The following IARS1 variants were observed in gnomAD, a reference collection of about 807,000 sequenced individuals.
The protein encoded by IARS1 is isoleucyl-tRNA synthetase 1, also known as isoleucine--tRNA ligase, cytoplasmic.
IARS1 carries 124 observed loss-of-function variants against 168.2 expected under a neutral mutation model. The ratio of observed to expected loss-of-function variants is 0.74; its 90% CI spans 0.64 to 0.86. The LOEUF is 0.86. Among genes scored for constraint, IARS1 ranks in the 40% least tolerant of loss-of-function variants. IARS1 has a pLI of 0.00. For missense variants in IARS1, 1,452 were observed against 1,515.8 expected (o/e 0.96, Z 0.70); for synonymous variants, 532 against 529.4 (o/e 1.00, Z -0.07).
rs1564186676 is a variant in IARS1 at position 92,280,807 on chromosome 9, C to T, written c.684G>A (p.Trp228Ter). ...VSLVAWTTTPWTLPSNLAVCV... is the reference protein window; with the variant it reads ...VSLVAWTTTP ...ACACAGCAAGGTTACTAGGTAGAGT[C>T]CAGGGAGTGGTTGTCCAAGCAACTA... is the stretch of plus-strand genomic sequence containing the variant. The change falls in exon 7 of 34, where the codon TGG (tryptophan) becomes TGA (stop). Residue 228 changes from tryptophan (W) to a stop codon, truncating the protein, a stop_gained. Coordinates refer to ENST00000443024, the MANE Select transcript of IARS1 (RefSeq NM_002161.6). LOFTEE classifies it high-confidence loss of function. The T allele has an allele frequency of 6.2e-7, 1 of 1,611,962 alleles. No individual in the cohort carries two copies. Among genetic ancestry groups the T allele is most frequent in the Non-Finnish European group, 8.5e-7 (1 of 1,178,286 alleles).
intron 4 of IARS1, chr9:92,287,587 G>A (rs41276835): frequency 0.036 from 15,587 of 435,632 alleles, 383 homozygotes; most frequent in South Asian, 0.064. Context: ...ATGCAAGAAA[G>A]TTAGACCAAT....
chr9:92,222,840 A>G (rs1839868582), intron 32 of IARS1, among the ~76,000 whole-genome samples, 168 bp from the exon 33 acceptor site: 1 of 151,864 alleles, frequency 6.6e-6, no homozygotes, highest in African/African-American at 2.4e-5. Context: ...AGCTCTCAAC[A>G]TTTCATAGAG....
intron 17 of IARS1, among the ~76,000 whole-genome samples, chr9:92,262,469 C>T (rs796352219): frequency 6.6e-6 from 1 of 152,120 alleles, no homozygotes; most frequent in African/African-American, 2.4e-5. Context: ...AATGAGACTT[C>T]CTTATAATAG....
rs185636796 is a variant in IARS1 at position 92,264,997 on chromosome 9, G to C, written c.1632C>G (p.Asn544Lys). The C allele has an allele frequency of 4.3e-6, 7 of 1,614,158 alleles. No homozygotes were observed. In the African/African-American group the frequency reaches 8.0e-5, roughly 18 times the overall value. The change falls in exon 16 of 34, where the codon AAC becomes AAG. Residue 544 changes from asparagine to lysine, a missense_variant. Physicochemically the swap from Asn to Lys is moderately conservative, Grantham distance 94. Coordinates refer to ENST00000443024, the MANE Select transcript of IARS1 (RefSeq NM_002161.6). ...GAAAAGCATCCTCAAACTCCCTCTT[G>C]TTTTCAAACGGGTAATGAACCTGAG... ...PYAQVHYPFE[N>K]KREFEDAFPA... is the part of the protein sequence containing the mutation.
Position 92,280,908 on chromosome 9 carries a change from G to C in IARS1, c.598-15C>G, listed in dbSNP as rs1564186746. On this transcript the variant is annotated splice_polypyrimidine_tract_variant and intron_variant, in intron 6 of 33. Transcript: ENST00000443024. ...TCTTGAACATCCTGAAATAAATTGA[G>C]GTAAAGTATTGTTTTAGAAATCCAC... is the stretch of plus-strand genomic sequence containing the variant. 1.9e-6 allele frequency: 3 copies of C among 1,588,348 alleles called. No homozygotes were observed. Among genetic ancestry groups the C allele is most frequent in the South Asian group, 1.1e-5 (1 of 88,934 alleles).
At chr9:92,212,623 A>G (rs544489711) in intron 33 of IARS1, among the ~76,000 whole-genome samples, 1 of 152,364 alleles carries the variant, frequency 6.6e-6, no homozygotes, top group East Asian at 1.9e-4. Context: ...CTTGGTGACC[A>G]AAGGATTTGA....
At chr9:92,219,015 C>T (rs1187398749) in intron 33 of IARS1, among the ~76,000 whole-genome samples, 1 of 152,176 alleles carries the variant, frequency 6.6e-6, no homozygotes, top group Non-Finnish European at 1.5e-5. Context: ...TACCTGACTT[C>T]AAACTATACT....
intron 6 of IARS1, among the ~76,000 whole-genome samples, chr9:92,284,179 AAAC>A (rs898945022): frequency 1.7e-4 from 26 of 152,178 alleles, no homozygotes; most frequent in Admixed American, 2.6e-4. Context: ...CCTATCTCAA[AAAC>A]AACAACAACA....
Position 92,287,726 on chromosome 9 carries a change from A to G in IARS1, c.396+65T>C. The G allele has an allele frequency of 2.6e-6, 4 of 1,532,578 alleles. No homozygotes were observed. The South Asian group carries it at 3.7e-5, about 14-fold the overall frequency. 94.9% of individuals were successfully genotyped at this position (1,532,578 alleles called of 1,614,324 possible). A position where few individuals can be genotyped will look rare whatever the true frequency, so the allele number is the denominator to read the frequency against. Reference sequence around the variant, plus strand: ...ATAAAAAAAGCACAAGGGACCATAAACCATTTCAATGCCCATTTAGTAACT... The same window carrying G: ...ATAAAAAAAGCACAAGGGACCATAAGCCATTTCAATGCCCATTTAGTAACT... On this transcript the variant is annotated intron_variant, in intron 4 of 33. Transcript: ENST00000443024.
chr9:92,227,174 G>A (rs1236864688), intron 31 of IARS1, among the ~76,000 whole-genome samples: 12 of 139,018 alleles, frequency 8.6e-5, no homozygotes, highest in Non-Finnish European at 1.5e-4. Flanking sequence ...TCTTAGTACA[G>A]AACAAAATGA....
At chr9:92,288,750 A>C (rs1225290810) in intron 2 of IARS1, among the ~76,000 whole-genome samples, 1 of 152,142 alleles carries the variant, frequency 6.6e-6, no homozygotes. Flanking sequence ...AAAGGTGGAA[A>C]GAGGGTGACA....
chr9:92,223,625 T>C lies in IARS1; in HGVS notation c.3410-136A>G, dbSNP rs553986881. On this transcript the variant is annotated intron_variant, in intron 31 of 33. Transcript: ENST00000443024. ...CTTAATTTCTGTTTATCAAGAGACATTGCCTTTTCTATAAAACCAGCCTTT... is the reference window on the plus strand; with the variant it reads ...CTTAATTTCTGTTTATCAAGAGACACTGCCTTTTCTATAAAACCAGCCTTT... 2.0e-5 allele frequency: 14 copies of C among 699,812 alleles called. No individual in the cohort carries two copies. In the South Asian group the frequency reaches 2.1e-4, roughly 11 times the overall value. The allele number at this position is 699,812 out of a possible 1,614,324, so 43.4% of individuals were successfully genotyped here. A position where few individuals can be genotyped will look rare whatever the true frequency, so the allele number is the denominator to read the frequency against.
chr9:92,280,529 T>G (rs925058284), intron 7 of IARS1, among the ~76,000 whole-genome samples: 2 of 152,174 alleles, frequency 1.3e-5, no homozygotes, highest in Admixed American at 1.3e-4. Context: ...ATAAGAAAAT[T>G]TTATGTTCTA....
chr9:92,263,435 T>C (rs1162211247), intron 16 of IARS1, among the ~76,000 whole-genome samples: 7 of 152,212 alleles, frequency 4.6e-5, no homozygotes, highest in Admixed American at 6.5e-5. Context: ...TGACAAAAGA[T>C]GCAAAATGCA....
rs535481901 is a variant in IARS1 at position 92,240,979 on chromosome 9, T to G, written c.3178-18A>C. The G allele has an allele frequency of 1.4e-6, 2 of 1,455,786 alleles. No individual in the cohort carries two copies. The highest frequency in any genetic ancestry group is 1.9e-6 in the Non-Finnish European group (2 of 1,036,652). 90.2% of individuals were successfully genotyped at this position (1,455,786 alleles called of 1,614,324 possible). ...CCCTTCAACTGAGCACATGAGAACG[T>G]ATGACTGAGTAACTGTGGCACCTGA... is the stretch of plus-strand genomic sequence containing the variant. On this transcript the variant is annotated intron_variant, in intron 29 of 33. Transcript: ENST00000443024.
At chr9:92,218,874 C>T (rs1418040818) in intron 33 of IARS1, among the ~76,000 whole-genome samples, 1 of 151,658 alleles carries the variant, frequency 6.6e-6, no homozygotes, top group Non-Finnish European at 1.5e-5. Flanking sequence ...TCAATGCCAT[C>T]CCCATCAAGC....
chr9:92,277,766 A>G (rs1833971298), intron 9 of IARS1, 97 bp downstream of exon 9: 3 of 919,432 alleles, frequency 3.3e-6, no homozygotes, highest in East Asian at 2.6e-5. Flanking sequence ...ATTCAGGTAC[A>G]CTCATAAAAG....
At chr9:92,240,342 CAACCT>C in intron 30 of IARS1, 1 of 275,484 alleles carries the variant, frequency 3.6e-6, no homozygotes, top group Non-Finnish European at 6.8e-6. Context: ...CAGCTCACTG[CAACCT>C]CCACCTCCCG....
At chr9:92,249,005 T>A (rs1829639151) in intron 25 of IARS1, among the ~76,000 whole-genome samples, 1 of 152,222 alleles carries the variant, frequency 6.6e-6, no homozygotes, top group East Asian at 1.9e-4. Flanking sequence ...ACTCCACTTC[T>A]GGAATCTATC....
Sources: gnomAD v4.1 joint callset for allele counts (sites outside exome capture counted in the v4.1 genomes callset) on GRCh38, gnomAD v4.1.1 for gene constraint, MANE v1.5 for transcripts, NCBI Gene and HGNC (gene_info 2026-07-23, HGNC 2026-07-21) for gene names.